Variants in FBN3 observed in about 807,000 individuals in gnomAD.
FBN3 encodes the protein fibrillin 3, also known as fibrillin-3.
A neutral mutation model predicts 330.1 loss-of-function variants in FBN3; 234 were observed. That is an observed-to-expected ratio of 0.71 (90% CI 0.64 to 0.79). The LOEUF is 0.79. Ranked by LOEUF, FBN3 falls within the 30% of genes least tolerant of loss-of-function variation. The probability of loss-of-function intolerance (pLI) is 0.00; values close to 1 mark genes in which losing one functional copy is unlikely to be tolerated. For synonymous variants in FBN3, 1,458 were observed against 1,517.3 expected, an observed-to-expected ratio of 0.96 and a Z score of 0.91; for missense variants, 3,606 against 3,886.9, an observed-to-expected ratio of 0.93 and a Z score of 1.92.
chr19:8,100,702 A>G (rs1403650245), intron 41 of FBN3, among the ~76,000 whole-genome samples, 199 bp downstream of exon 41: 1 of 152,192 alleles, frequency 6.6e-6, no homozygotes, highest in Admixed American at 6.5e-5. Flanking sequence ...ATGGTTTAAT[A>G]AAAATAGTGT....
rs1455838770 is a variant in FBN3 at position 8,090,094 on chromosome 19, C to T, written c.6184+5G>A. The T allele has an allele frequency of 6.2e-7, 1 of 1,612,978 alleles. No individual in the cohort carries two copies. Among genetic ancestry groups the T allele is most frequent in the Non-Finnish European group, 8.5e-7 (1 of 1,179,576 alleles). On this transcript the variant is annotated splice_donor_5th_base_variant and intron_variant, in intron 49 of 63. Coordinates refer to ENST00000600128, the MANE Select transcript of FBN3 (RefSeq NM_032447.5). ...CAGGGAGCCTGGACAGGGGTGGGCA[C>T]TCACCGCTGCCCTCCTGGGGACACA...
At chr19:8,078,789 CTCT>C (rs1384979084) in intron 59 of FBN3, among the ~76,000 whole-genome samples, 2 of 147,822 alleles carry the variant, frequency 1.4e-5, no homozygotes, top group African/African-American at 5.1e-5. Flanking sequence ...CTCTCTCTCT[CTCT>C]TTTTTTTTTT....
Position 8,121,548 on chromosome 19 carries a change from T to C in FBN3, c.3083-162A>G, listed in dbSNP as rs1329809906. On this transcript the variant is annotated intron_variant, in intron 24 of 63. Transcript: ENST00000600128. The surrounding 1 kb of genome is among the most constrained non-coding windows in gnomAD (Gnocchi z 4.5). ...GAGGGGAGGCATGATGCAGGCATGA[T>C]GGGGTGCCGTATGGGGTCATCGAAT... 6.6e-6 allele frequency among the ~76,000 whole-genome samples: 1 copy of C among 152,010 alleles called. No individual in the cohort carries two copies. Among genetic ancestry groups the C allele is most frequent in the Non-Finnish European group, 1.5e-5 (1 of 67,998 alleles).
rs1392146991 is a variant in FBN3, at chr19:8,106,151, G to C, written c.4770C>G (p.Cys1590Trp). Residue 1590 changes from cysteine to tryptophan, a missense_variant, in exon 38 of 64, where the codon TGC (cysteine) becomes TGG (tryptophan). Physicochemically the swap from Cys to Trp is radical, Grantham distance 215. Coordinates refer to ENST00000600128, the MANE Select transcript of FBN3 (RefSeq NM_032447.5). ...VNTFGSFQCE[C>W]PPGYHLSEHT... ...GCTCACTGAGGTGGTAGCCAGGTGG[G>C]CACTCACACTGGAAACTGCCAAACG... 1.2e-6 allele frequency: 2 copies of C among 1,614,106 alleles called. No homozygotes were observed. The highest frequency in any genetic ancestry group is 1.3e-5 in the African/African-American group (1 of 75,048).
Position 8,121,471 on chromosome 19 carries a change from G to T in FBN3, c.3083-85C>A, listed in dbSNP as rs2082849385. 7.3e-7 allele frequency: 1 copy of T among 1,377,700 alleles called. No individual in the cohort carries two copies. Among genetic ancestry groups the T allele is most frequent in the African/African-American group, 1.4e-5 (1 of 69,066 alleles). The allele number at this position is 1,377,700 out of a possible 1,614,324, so 85.3% of individuals were successfully genotyped here. ...GCAGGGGGGTCCCTGTCCTTTGATG[G>T]AGGTGTGGGCTAGAGGAAGCCCATC... On this transcript the variant is annotated intron_variant, in intron 24 of 63. Coordinates refer to ENST00000600128, the MANE Select transcript of FBN3 (RefSeq NM_032447.5). The surrounding 1 kb of genome is among the most constrained non-coding windows in gnomAD (Gnocchi z 4.5).
chr19:8,125,529 G>A (rs1214351218), intron 22 of FBN3, among the ~76,000 whole-genome samples: 6 of 152,254 alleles, frequency 3.9e-5, no homozygotes, highest in South Asian at 4.1e-4. Context: ...GGTGGCTCAC[G>A]CCTGTAATCC....
In FBN3 at chr19:8,102,691, A is replaced by G. The variant is rs377125155; in HGVS notation, c.5089+33T>C. Reference sequence around the variant, plus strand: ...CTTAACCATTATGCTAGGAGGGGCCAGGCTGGGAAGAAGGTTGGGGAGGGT... The same window carrying G: ...CTTAACCATTATGCTAGGAGGGGCCGGGCTGGGAAGAAGGTTGGGGAGGGT... On this transcript the variant is annotated intron_variant, in intron 40 of 63. Transcript: ENST00000600128. 1.4e-5 allele frequency: 23 copies of G among 1,599,916 alleles called. No homozygotes were observed. In the African/African-American group the frequency reaches 2.8e-4, roughly 20 times the overall value.
At chr19:8,089,502 G>C in intron 51 of FBN3, 43 bp downstream of exon 51, 1 of 1,611,374 alleles carries the variant, frequency 6.2e-7, no homozygotes, top group Non-Finnish European at 8.5e-7. Flanking sequence ...TTCCTGTCCT[G>C]GGAGGGGCCT....
At chr19:8,111,916 C>G (rs2082595415) in intron 31 of FBN3, 61 bp downstream of exon 31, 1 of 546,876 alleles carries the variant, frequency 1.8e-6, no homozygotes, top group Admixed American at 4.2e-5. Context: ...TTGCCCCCCA[C>G]CGCCTTGCCC....
Position 8,131,314 on chromosome 19 carries a change from C to G in FBN3, c.1991-26G>C. The G allele has an allele frequency of 6.2e-7, 1 of 1,609,738 alleles. No individual in the cohort carries two copies. Among genetic ancestry groups the G allele is most frequent in the Non-Finnish European group, 8.5e-7 (1 of 1,178,504 alleles). ...CTGGGGATGGAGGGACAGAGTGAGA[C>G]GGGTCAGGGAGCTTAGCCATGGCTC... On this transcript the variant is annotated intron_variant, in intron 15 of 63. Transcript: ENST00000600128. This position sits in a 1 kb window ranked among gnomAD's most constrained non-coding sequence, Gnocchi z 4.5.
intron 21 of FBN3, 69 bp from the exon 22 acceptor site, chr19:8,126,086 G>T (rs2082975006): frequency 3.1e-6 from 5 of 1,603,398 alleles, no homozygotes; most frequent in Admixed American, 3.5e-5. Context: ...ATTCCCCTGG[G>T]GTCTCAAGTT....
chr19:8,086,419 C>A, intron 54 of FBN3, 94 bp from the exon 55 acceptor site: 1 of 621,468 alleles, frequency 1.6e-6, no homozygotes, highest in East Asian at 3.1e-5. Flanking sequence ...CTGCCCAGGC[C>A]CTCTTGCTTA....
intron 29 of FBN3, among the ~76,000 whole-genome samples, chr19:8,116,275 C>T (rs1044402130): frequency 3.9e-5 from 6 of 152,126 alleles, no homozygotes; most frequent in African/African-American, 1.4e-4. Context: ...CCTTAGAGAA[C>T]AGAGTTCTGA....
Position 8,131,730 on chromosome 19 carries a change from C to A in FBN3, c.1814G>T (p.Gly605Val). ...RCQCLGGLAV[G>V]TDGRVCVDTH... ...GTCCACGCACACGCGGCCATCCGTGCCTACCGCCAGCCCCCCCAGGCACTG... is the reference window on the plus strand; with the variant it reads ...GTCCACGCACACGCGGCCATCCGTGACTACCGCCAGCCCCCCCAGGCACTG... The change falls in exon 15 of 64, where the codon GGC (glycine) becomes GTC (valine). Residue 605 changes from glycine to valine, a missense_variant. Transcript: ENST00000600128. The surrounding 1 kb of genome is among the most constrained non-coding windows in gnomAD (Gnocchi z 4.5). The A allele has an allele frequency of 6.2e-7, 1 of 1,613,722 alleles. No individual in the cohort carries two copies. Among genetic ancestry groups the A allele is most frequent in the Non-Finnish European group, 8.5e-7 (1 of 1,179,858 alleles).
At chr19:8,080,059 A>G (rs892020819) in intron 59 of FBN3, among the ~76,000 whole-genome samples, 19 of 152,128 alleles carry the variant, frequency 1.2e-4, no homozygotes, top group African/African-American at 4.3e-4. Context: ...CTGTCCCAAG[A>G]CTCTTCTCTG....
At position 8,136,287 on chromosome 19, in the gene FBN3, G is replaced by C; in HGVS notation, c.1368C>G (p.Ser456Arg). The C allele has an allele frequency of 6.9e-6, 11 of 1,602,964 alleles. No individual in the cohort carries two copies. The highest frequency in any genetic ancestry group is 8.5e-6 in the Non-Finnish European group (10 of 1,175,738). The part of the protein sequence containing the change: ...ECIDVDECTS[S>R]PCHHGDCVNI... ...TGACGCAGTCACCGTGGTGGCAGGG[G>C]CTGCTGGTGCATTCGTCTACATCTG... Residue 456 changes from serine (S) to arginine (R), a missense_variant, in exon 12 of 64, where the codon AGC becomes AGG. Transcript: ENST00000600128.
chr19:8,117,679 A>G (rs2082737280), intron 26 of FBN3, 90 bp from the exon 27 acceptor site: 1 of 1,410,968 alleles, frequency 7.1e-7, no homozygotes, highest in Non-Finnish European at 9.5e-7. Context: ...ATGCATGCTA[A>G]GGAGCTCACA....
intron 42 of FBN3, 113 bp from the exon 43 acceptor site, chr19:8,097,119 G>C (rs2082227564): frequency 2.0e-6 from 3 of 1,506,624 alleles, no homozygotes; most frequent in Admixed American, 3.6e-5. Context: ...GAAGCAGCCA[G>C]AGCTGGAGTA....
chr19:8,076,251 T>TGC (rs1189373758), intron 59 of FBN3, among the ~76,000 whole-genome samples: 14 of 150,740 alleles, frequency 9.3e-5, no homozygotes, highest in Non-Finnish European at 1.8e-4. Context: ...CGTGTGCGTG[T>TGC]GTGTGTGTGT....
Sources: gnomAD v4.1 joint callset for allele counts (sites outside exome capture counted in the v4.1 genomes callset) on GRCh38, gnomAD v4.1.1 for gene constraint, Gnocchi (gnomAD v3.1) non-coding constraint, MANE v1.5 for transcripts, NCBI Gene and HGNC (gene_info 2026-07-23, HGNC 2026-07-21) for gene names.